Variants in SH3BGRL observed in about 807,000 individuals in gnomAD.
SH3BGRL encodes SH3 domain binding glutamate rich protein like.
SH3BGRL carries 7 observed loss-of-function variants against 9.8 expected under a neutral mutation model. That is an observed-to-expected ratio of 0.72 (90% CI 0.41 to 1.35). SH3BGRL has a LOEUF of 1.35. SH3BGRL is among the 40% of genes most tolerant of loss of function. The pLI, the probability that SH3BGRL is intolerant of heterozygous loss-of-function variation, is 0.01. For synonymous variants in SH3BGRL, 36 were observed against 29.1 expected, an observed-to-expected ratio of 1.24 and a Z score of -0.76; for missense variants, 73 against 84.4, an observed-to-expected ratio of 0.86 and a Z score of 0.53.
intron 1 of SH3BGRL, among the ~76,000 whole-genome samples, chrX:81,212,564 T>A (rs1407057737): frequency 8.9e-6 from 1 of 112,136 alleles, no homozygotes; most frequent in Non-Finnish European, 1.9e-5. Flanking sequence ...TATTAGATCT[T>A]TAAGTTAAAG....
chrX:81,217,069 T>C (rs150476536), intron 1 of SH3BGRL, among the ~76,000 whole-genome samples: 3,008 of 110,389 alleles, frequency 0.027, 103 homozygotes, highest in African/African-American at 0.094. Context: ...CAAGAGTGTA[T>C]GAGGGTTCCC....
At chrX:81,257,270 C>T (rs1245769287) in intron 1 of SH3BGRL, among the ~76,000 whole-genome samples, 1 of 112,202 alleles carries the variant, frequency 8.9e-6, no homozygotes, top group African/African-American at 3.2e-5. Flanking sequence ...GAATTTGAGA[C>T]TCAGAGAAGT....
rs1262164477 is a variant in SH3BGRL at position 81,277,075 on chromosome X, G to A, written c.137G>A (p.Arg46Gln). The A allele has an allele frequency of 5.8e-6, 7 of 1,206,713 alleles. No homozygotes were observed. The highest frequency in any genetic ancestry group is 2.2e-5 in the Admixed American group (1 of 45,465). Reference protein sequence around the residue: ...EKDIAANEENRKWMRENVPEN... With the variant: ...EKDIAANEENQKWMRENVPEN... ...GATATTGCAGCCAATGAAGAGAATC[G>A]GAAGTGGATGAGAGAAAATGTACCT... The change falls in exon 2 of 4, where the codon CGG (arginine) becomes CAG (glutamine). Residue 46 changes from arginine to glutamine, a missense_variant. Physicochemically the swap from Arg to Gln is conservative, Grantham distance 43. Transcript: ENST00000373212.
intron 1 of SH3BGRL, among the ~76,000 whole-genome samples, chrX:81,273,304 G>C (rs181183789): frequency 8.9e-6 from 1 of 112,229 alleles, no homozygotes. Flanking sequence ...CATTCTCTTG[G>C]CTCCTCTCAC....
intron 3 of SH3BGRL, among the ~76,000 whole-genome samples, chrX:81,284,466 G>A (rs1478604141): frequency 1.8e-5 from 2 of 110,423 alleles, no homozygotes; most frequent in Non-Finnish European, 3.8e-5. Context: ...AAAGACCTGA[G>A]CGGGATTAAA....
At chrX:81,245,273 T>C (rs777062769) in intron 1 of SH3BGRL, among the ~76,000 whole-genome samples, 1 of 111,905 alleles carries the variant, frequency 8.9e-6, no homozygotes, top group Non-Finnish European at 1.9e-5. Context: ...CTCTGTTCTG[T>C]ATTCTGAGGC....
At chrX:81,235,239 T>C in intron 1 of SH3BGRL, among the ~76,000 whole-genome samples, 1 of 110,786 alleles carries the variant, frequency 9.0e-6, no homozygotes, top group Non-Finnish European at 1.9e-5. Context: ...AACATGCTTA[T>C]GAGCTTGAGG....
At chrX:81,269,280 G>T (rs5912485) in intron 1 of SH3BGRL, among the ~76,000 whole-genome samples, 1 of 109,831 alleles carries the variant, frequency 9.1e-6, no homozygotes, top group South Asian at 3.9e-4. Context: ...TGGTTATTTC[G>T]CCTGTTAATT....
At chrX:81,256,705 C>A (rs149112142) in intron 1 of SH3BGRL, among the ~76,000 whole-genome samples, 165 of 112,289 alleles carry the variant, frequency 1.5e-3, no homozygotes, top group African/African-American at 5.2e-3. Flanking sequence ...CTTGGCTGAT[C>A]GTGCTACCTA....
chrX:81,238,688 GAC>G (rs1397512085), intron 1 of SH3BGRL, among the ~76,000 whole-genome samples: 1 of 110,675 alleles, frequency 9.0e-6, no homozygotes, highest in Non-Finnish European at 1.9e-5. Flanking sequence ...GCTCGGGTGA[GAC>G]ACAGTGCTAT....
At chrX:81,202,285 A>C in intron 1 of SH3BGRL, 40 bp downstream of exon 1, 1 of 1,153,223 alleles carries the variant, frequency 8.7e-7, no homozygotes, top group Non-Finnish European at 1.2e-6. Flanking sequence ...GTTTTCCTAC[A>C]CACCAGTCCT....
At chrX:81,222,250 C>T (rs1034257339) in intron 1 of SH3BGRL, among the ~76,000 whole-genome samples, 6 of 109,711 alleles carry the variant, frequency 5.5e-5, no homozygotes, top group African/African-American at 2.0e-4. Context: ...TATACATGTG[C>T]CATGTTGGTG....
At chrX:81,278,753 C>G (rs1417145994) in intron 3 of SH3BGRL, among the ~76,000 whole-genome samples, 1 of 111,942 alleles carries the variant, frequency 8.9e-6, no homozygotes, top group East Asian at 2.8e-4. Context: ...CAGTAAGCAT[C>G]TTAGTTCATG....
chrX:81,236,552 T>A (rs2075648564), intron 1 of SH3BGRL, among the ~76,000 whole-genome samples: 1 of 111,491 alleles, frequency 9.0e-6, no homozygotes, highest in African/African-American at 3.3e-5. Context: ...GCTCTAGACT[T>A]ATTAAATTTG....
At chrX:81,271,985 G>A (rs1294469854) in intron 1 of SH3BGRL, among the ~76,000 whole-genome samples, 3 of 110,281 alleles carry the variant, frequency 2.7e-5, no homozygotes, top group African/African-American at 9.9e-5. Flanking sequence ...ATGAGGTCAG[G>A]AGATTGAGAC....
Position 81,274,585 on chromosome X carries a change from C to T in SH3BGRL, c.46-2399C>T, listed in dbSNP as rs189847065. 9.3e-3 allele frequency among the ~76,000 whole-genome samples: 1,013 copies of T among 108,627 alleles called. 12 individuals are homozygous for T. The highest frequency in any genetic ancestry group is 0.032 in the African/African-American group (948 of 29,745). 94.3% of individuals were successfully genotyped at this position (108,627 alleles called of 115,157 possible). On this transcript the variant is annotated intron_variant, in intron 1 of 3. Transcript: ENST00000373212. Reference sequence around the variant, plus strand: ...CTAGCCTGGGCGACAGAGCTAGACTCTGTCTCAGAAAAAAAAAAAGCAATA... The same window carrying T: ...CTAGCCTGGGCGACAGAGCTAGACTTTGTCTCAGAAAAAAAAAAAGCAATA...
intron 1 of SH3BGRL, among the ~76,000 whole-genome samples, chrX:81,242,921 C>G (rs924065905): frequency 1.8e-5 from 2 of 111,489 alleles, no homozygotes; most frequent in Non-Finnish European, 3.8e-5. Context: ...AAAGGGAACC[C>G]CCATACACTG....
intron 1 of SH3BGRL, among the ~76,000 whole-genome samples, chrX:81,202,893 C>T (rs1397490587): frequency 9.0e-6 from 1 of 110,978 alleles, no homozygotes; most frequent in Non-Finnish European, 1.9e-5. Flanking sequence ...CCCATATTGT[C>T]CCTTATTTTG....
chrX:81,213,050 C>T (rs1030219095), intron 1 of SH3BGRL, among the ~76,000 whole-genome samples: 2 of 111,958 alleles, frequency 1.8e-5, no homozygotes, highest in African/African-American at 6.5e-5. Context: ...AGTGCATAAA[C>T]ATTATATTGC....
Sources: allele counts gnomAD v4.1 joint callset (sites outside exome capture counted in the v4.1 genomes callset), GRCh38; gene constraint gnomAD v4.1.1; transcripts MANE v1.5; gene names NCBI Gene and HGNC (gene_info 2026-07-23, HGNC 2026-07-21).